The following FBXO4 variants were observed in gnomAD, a reference collection of about 807,000 sequenced individuals.
The protein encoded by FBXO4 is F-box only protein 4.
FBXO4 carries 36 observed loss-of-function variants against 43.7 expected under a neutral mutation model. That is an observed-to-expected ratio of 0.82 (90% CI 0.63 to 1.09). The LOEUF is 1.09. Ranked by LOEUF, FBXO4 falls within the 50% of genes least tolerant of loss-of-function variation. The pLI, the probability that FBXO4 is intolerant of heterozygous loss-of-function variation, is 0.00. For synonymous variants in FBXO4, 180 were observed against 165.6 expected, an observed-to-expected ratio of 1.09 and a Z score of -0.67; for missense variants, 435 against 474.1, an observed-to-expected ratio of 0.92 and a Z score of 0.77.
chr5:41,931,867 C>T (rs555803911), intron 3 of FBXO4, among the ~76,000 whole-genome samples: 1 of 152,040 alleles, frequency 6.6e-6, no homozygotes, highest in Non-Finnish European at 1.5e-5. Context: ...AAGAGTGCTA[C>T]AGCTGAATGA....
the FBXO4 span, among the ~76,000 whole-genome samples, chr5:41,974,436 TG>T: frequency 6.6e-6 from 1 of 152,188 alleles, no homozygotes; most frequent in Admixed American, 6.5e-5. Flanking sequence ...TTTTTTTGGA[TG>T]TTTTTTTCCC....
the FBXO4 span, among the ~76,000 whole-genome samples, chr5:41,964,146 A>T: frequency 1.8e-4 from 27 of 152,312 alleles, no homozygotes; most frequent in East Asian, 5.2e-3. Flanking sequence ...ATTTTCAAAT[A>T]TATTTTCATT....
chr5:41,930,855 A>G (rs917191075), intron 3 of FBXO4, among the ~76,000 whole-genome samples: 1 of 151,964 alleles, frequency 6.6e-6, no homozygotes, highest in African/African-American at 2.4e-5. Flanking sequence ...ACGGGGTTTC[A>G]CTGTGTTAGC....
intron 1 of FBXO4, 31 bp downstream of exon 1, chr5:41,925,529 G>A (rs1354228316): frequency 6.9e-6 from 9 of 1,296,642 alleles, no homozygotes; most frequent in Non-Finnish European, 8.9e-6. Context: ...GCGGAGGACA[G>A]TGGGGCCGGC....
the FBXO4 span, among the ~76,000 whole-genome samples, chr5:42,034,939 A>C: frequency 2.0e-5 from 3 of 152,162 alleles, no homozygotes; most frequent in Non-Finnish European, 4.4e-5. Flanking sequence ...CATGGAATCT[A>C]TAAATTACTT....
intron 5 of FBXO4, 45 bp from the exon 6 acceptor site, chr5:41,939,396 T>C: frequency 2.0e-6 from 3 of 1,488,356 alleles, no homozygotes; most frequent in Non-Finnish European, 2.7e-6. Flanking sequence ...TTTTCAAAAC[T>C]ATTAAAAGTA....
chr5:42,031,616 A>G, the FBXO4 span, among the ~76,000 whole-genome samples: 1 of 152,102 alleles, frequency 6.6e-6, no homozygotes, highest in Non-Finnish European at 1.5e-5. Flanking sequence ...TAATAATAAT[A>G]AAATTAAAAA....
At chr5:42,029,143 C>A in the FBXO4 span, among the ~76,000 whole-genome samples, 2 of 152,080 alleles carry the variant, frequency 1.3e-5, no homozygotes, top group East Asian at 3.9e-4. Context: ...TTGACGAAAT[C>A]CCTCAGCTTA....
chr5:42,034,007 C>T, the FBXO4 span, among the ~76,000 whole-genome samples: 1 of 152,164 alleles, frequency 6.6e-6, no homozygotes, highest in Non-Finnish European at 1.5e-5. Context: ...CCTAGTTATC[C>T]ACAGCCTCAT....
chr5:42,001,960 G>A, the FBXO4 span, among the ~76,000 whole-genome samples: 1 of 152,196 alleles, frequency 6.6e-6, no homozygotes, highest in East Asian at 1.9e-4. Flanking sequence ...GTCTCCCAAA[G>A]TGCTGATAAC....
the FBXO4 span, among the ~76,000 whole-genome samples, chr5:42,029,495 G>A: frequency 2.0e-5 from 3 of 151,932 alleles, no homozygotes; most frequent in East Asian, 5.8e-4. Context: ...CCCTAGGTTT[G>A]GGGGATTCTG....
chr5:41,925,325 C>A lies in FBXO4; in HGVS notation c.16C>A (p.Pro6Thr). 3 of 1,343,790 alleles carry A rather than the reference C, an allele frequency of 2.2e-6. No homozygotes were observed. Among genetic ancestry groups the A allele is most frequent in the South Asian group, 1.9e-5 (1 of 53,462 alleles). 83.2% of individuals were successfully genotyped at this position (1,343,790 alleles called of 1,614,324 possible). Residue 6 changes from proline to threonine, a missense_variant, in exon 1 of 7, where the codon CCG becomes ACG. Transcript: ENST00000281623. Reference sequence around the variant, plus strand: ...CGGGCAAGCCATGGCGGGAAGCGAGCCGCGCAGCGGAACAAACTCGCCGCC... The same window carrying A: ...CGGGCAAGCCATGGCGGGAAGCGAGACGCGCAGCGGAACAAACTCGCCGCC... MAGSE[P>T]RSGTNSPPPP...
the FBXO4 span, among the ~76,000 whole-genome samples, chr5:42,000,877 A>G: frequency 6.6e-6 from 1 of 152,118 alleles, no homozygotes; most frequent in Non-Finnish European, 1.5e-5. Context: ...TCAATAATCA[A>G]TTGACTGTAA....
chr5:42,011,608 T>C, the FBXO4 span, among the ~76,000 whole-genome samples: 1 of 152,344 alleles, frequency 6.6e-6, no homozygotes, highest in East Asian at 1.9e-4. Context: ...GAACTGTTAT[T>C]AGATGGCTCT....
chr5:42,025,140 C>T, the FBXO4 span, among the ~76,000 whole-genome samples: 2 of 151,834 alleles, frequency 1.3e-5, no homozygotes, highest in Non-Finnish European at 2.9e-5. Flanking sequence ...AAACTGTTCT[C>T]CATAGTGGTT....
downstream of FBXO4, among the ~76,000 whole-genome samples, chr5:41,941,918 A>G (rs1475303200): frequency 2.0e-5 from 3 of 152,146 alleles, no homozygotes; most frequent in African/African-American, 7.2e-5. Flanking sequence ...GCCAAATTCT[A>G]TTCCATACTC....
chr5:41,985,739 T>C, the FBXO4 span, among the ~76,000 whole-genome samples: 1 of 152,170 alleles, frequency 6.6e-6, no homozygotes, highest in Non-Finnish European at 1.5e-5. Flanking sequence ...AGAATCTACC[T>C]TATAAGCTGA....
chr5:42,033,246 T>C, the FBXO4 span, among the ~76,000 whole-genome samples: 2 of 152,142 alleles, frequency 1.3e-5, no homozygotes, highest in African/African-American at 4.8e-5. Context: ...GGTTGCATCT[T>C]CCCACAACTC....
At chr5:41,970,889 C>A in the FBXO4 span, among the ~76,000 whole-genome samples, 2 of 151,794 alleles carry the variant, frequency 1.3e-5, no homozygotes, top group Non-Finnish European at 2.9e-5. Flanking sequence ...AGCAACCAGA[C>A]AAATTCAGGA....
Sources: allele counts gnomAD v4.1 joint callset (sites outside exome capture counted in the v4.1 genomes callset), GRCh38; gene constraint gnomAD v4.1.1; transcripts MANE v1.5; gene names NCBI Gene and HGNC (gene_info 2026-07-23, HGNC 2026-07-21).